The following HDX variants were observed in gnomAD, a reference collection of about 807,000 sequenced individuals.
HDX encodes the protein chromosome X open reading frame 43.
In HDX, 19 loss-of-function variants were observed where a neutral mutation model predicts 45.2. The ratio of observed to expected loss-of-function variants is 0.42; its 90% CI spans 0.29 to 0.62. HDX has a LOEUF of 0.62. Among genes scored for constraint, HDX ranks in the 20% least tolerant of loss-of-function variants. HDX has a pLI of 0.20. For missense variants in HDX, 532 were observed against 493.9 expected (o/e 1.08, Z -0.73); for synonymous variants, 188 against 172.8 (o/e 1.09, Z -0.69).
At chrX:84,439,225 G>C (rs1356770347) in intron 5 of HDX, among the ~76,000 whole-genome samples, 1 of 111,166 alleles carries the variant, frequency 9.0e-6, no homozygotes, top group Non-Finnish European at 1.9e-5. Flanking sequence ...GCCTGTTCAT[G>C]TCTTTTGCCC....
At chrX:84,496,272 G>T (rs1358697004) in intron 1 of HDX, among the ~76,000 whole-genome samples, 1 of 111,836 alleles carries the variant, frequency 8.9e-6, no homozygotes, top group African/African-American at 3.2e-5. Flanking sequence ...ACAGACAAAA[G>T]AAAATTCAAG....
chrX:84,355,091 T>C (rs1421728386), intron 6 of HDX, among the ~76,000 whole-genome samples: 1 of 107,125 alleles, frequency 9.3e-6, no homozygotes, highest in Non-Finnish European at 1.9e-5. Context: ...TGCCATATAC[T>C]GTATAAACAT....
intron 4 of HDX, among the ~76,000 whole-genome samples, chrX:84,450,437 A>G (rs749024963): frequency 1.4e-4 from 16 of 112,074 alleles, no homozygotes; most frequent in Non-Finnish European, 2.4e-4. Flanking sequence ...AACAATAAAA[A>G]GAGAAAAGGA....
intron 4 of HDX, among the ~76,000 whole-genome samples, chrX:84,450,649 T>C (rs1430567107): frequency 8.9e-6 from 1 of 111,902 alleles, no homozygotes; most frequent in Non-Finnish European, 1.9e-5. Context: ...AAACAGAAAG[T>C]TAACAAAGAA....
At chrX:84,445,774 A>G (rs2039859288) in intron 4 of HDX, among the ~76,000 whole-genome samples, 1 of 111,908 alleles carries the variant, frequency 8.9e-6, no homozygotes, top group Admixed American at 9.5e-5. Flanking sequence ...TAAAGTTTCA[A>G]TGCTACAACT....
intron 3 of HDX, among the ~76,000 whole-genome samples, chrX:84,473,164 T>C (rs895476679): frequency 2.7e-5 from 3 of 109,740 alleles, no homozygotes; most frequent in Non-Finnish European, 5.7e-5. Context: ...TCTTGTTTTT[T>C]TTACACCAGT....
chrX:84,361,745 G>T, intron 5 of HDX, 133 bp from the exon 6 acceptor site: 1 of 403,035 alleles, frequency 2.5e-6, no homozygotes. Context: ...TTCTTATTCA[G>T]TCCTCCCGTT....
At chrX:84,388,263 C>G (rs2038364889) in intron 5 of HDX, among the ~76,000 whole-genome samples, 1 of 109,700 alleles carries the variant, frequency 9.1e-6, no homozygotes, top group Non-Finnish European at 1.9e-5. Context: ...ACCTTGGTGA[C>G]TCTGATGACT....
At chrX:84,456,525 T>C (rs2040116841) in intron 4 of HDX, among the ~76,000 whole-genome samples, 1 of 111,036 alleles carries the variant, frequency 9.0e-6, no homozygotes. Flanking sequence ...AGTGAGTTCT[T>C]ACTTATCAAT....
intron 5 of HDX, among the ~76,000 whole-genome samples, chrX:84,383,225 A>G (rs910459684): frequency 3.6e-5 from 4 of 111,265 alleles, no homozygotes; most frequent in African/African-American, 6.5e-5. Flanking sequence ...AATCAACAAG[A>G]ATATTTAAGA....
At chrX:84,339,129 C>A (rs1363273466) in intron 7 of HDX, among the ~76,000 whole-genome samples, 1 of 111,674 alleles carries the variant, frequency 9.0e-6, no homozygotes, top group Non-Finnish European at 1.9e-5. Context: ...AGTGAAATAA[C>A]TGAACACAGA....
rs773398698 is a variant in HDX at position 84,470,281 on chromosome X, G to A, written c.148-706C>T. Among the ~76,000 whole-genome samples, 14 of 111,179 alleles carry A rather than the reference G, an allele frequency of 1.3e-4. No homozygotes were observed. The East Asian group carries it at 1.4e-3, about 11-fold the overall frequency. ...AAGTGCTCTCCAATGTATGAGTTCC[G>A]GTTTCCTCACACCCTCACCAAGAGT... On this transcript the variant is annotated intron_variant, in intron 3 of 10. Transcript: ENST00000373177.
At chrX:84,335,540 A>G (rs2036941498) in intron 8 of HDX, among the ~76,000 whole-genome samples, 1 of 111,606 alleles carries the variant, frequency 9.0e-6, no homozygotes, top group African/African-American at 3.2e-5. Context: ...ACGCAGAGAA[A>G]TTCAGGCTAC....
chrX:84,378,083 C>T (rs185846072), intron 5 of HDX, among the ~76,000 whole-genome samples: 171 of 111,652 alleles, frequency 1.5e-3, no homozygotes, highest in African/African-American at 5.2e-3. Context: ...ACCTTACAGG[C>T]CAGGAGATAG....
rs767355679 is a variant in HDX, at chrX:84,343,738, AT to A, written c.1660+511del. Among the ~76,000 whole-genome samples, 294 of 111,550 alleles carry A rather than the reference AT, an allele frequency of 2.6e-3. 2 individuals carry two copies. The highest frequency in any genetic ancestry group is 9.2e-3 in the African/African-American group (285 of 30,840). On this transcript the variant is annotated intron_variant, in intron 7 of 10. Coordinates refer to ENST00000373177, the MANE Select transcript of HDX (RefSeq NM_001177479.2). The stretch of plus-strand genomic sequence containing the variant: ...ATCATTACATAATATTATTTTAATT[AT>A]TTTTTAGAGAAAAATTAAGAGATAT...
chrX:84,450,984 A>C (rs1209961490), intron 4 of HDX, among the ~76,000 whole-genome samples: 1 of 112,013 alleles, frequency 8.9e-6, no homozygotes, highest in Non-Finnish European at 1.9e-5. Context: ...TAAAAGTATT[A>C]AAACAAATGA....
chrX:84,372,301 G>A (rs755214804), intron 5 of HDX, among the ~76,000 whole-genome samples: 2 of 111,922 alleles, frequency 1.8e-5, no homozygotes, highest in African/African-American at 6.5e-5. Context: ...ATCATGTACA[G>A]TCATCAGGTT....
intron 5 of HDX, among the ~76,000 whole-genome samples, chrX:84,399,560 G>A (rs1219091903): frequency 9.0e-6 from 1 of 110,887 alleles, no homozygotes; most frequent in Non-Finnish European, 1.9e-5. Flanking sequence ...CTGAAAATAA[G>A]GCAGTAATTA....
At chrX:84,391,012 C>A (rs1232697046) in intron 5 of HDX, among the ~76,000 whole-genome samples, 3 of 111,765 alleles carry the variant, frequency 2.7e-5, no homozygotes, top group Non-Finnish European at 5.7e-5. Context: ...TACATTGTTG[C>A]TAACTATAGT....
Sources: allele counts gnomAD v4.1 joint callset (sites outside exome capture counted in the v4.1 genomes callset), GRCh38; gene constraint gnomAD v4.1.1; transcripts MANE v1.5; gene names NCBI Gene and HGNC (gene_info 2026-07-23, HGNC 2026-07-21).